Variants in DYNC2I1 observed in about 807,000 individuals in gnomAD.
The protein encoded by DYNC2I1 is cytoplasmic dynein 2 intermediate chain 1.
In DYNC2I1, 89 loss-of-function variants were observed where a neutral mutation model predicts 133.4. The observed-to-expected ratio is 0.67, with a 90% CI of 0.56 to 0.80. DYNC2I1 has a LOEUF of 0.80. Ranked by LOEUF, DYNC2I1 falls within the 30% of genes least tolerant of loss-of-function variation. DYNC2I1 has a pLI of 0.00. For synonymous variants in DYNC2I1, 504 were observed against 484.3 expected (o/e 1.04, Z -0.54); for missense variants, 1,291 against 1,314.5 (o/e 0.98, Z 0.28).
chr7:158,884,105 C>T (rs1329210650), intron 5 of DYNC2I1, among the ~76,000 whole-genome samples: 2 of 148,000 alleles, frequency 1.4e-5, no homozygotes, highest in South Asian at 2.1e-4. Flanking sequence ...AGTGCAGTGG[C>T]GCAATCTCTG....
At chr7:158,917,561 G>A (rs1456328545) in intron 14 of DYNC2I1, among the ~76,000 whole-genome samples, 2 of 97,646 alleles carry the variant, frequency 2.0e-5, no homozygotes, top group African/African-American at 8.9e-5. Flanking sequence ...TCCACCCTCC[G>A]CCTCTCGCTA....
intron 17 of DYNC2I1, among the ~76,000 whole-genome samples, chr7:158,924,379 C>T (rs1055089533): frequency 3.3e-5 from 5 of 152,318 alleles, no homozygotes; most frequent in Non-Finnish European, 5.9e-5. Context: ...GGGGTTGGGG[C>T]GCTGTGGACT....
intron 15 of DYNC2I1, among the ~76,000 whole-genome samples, chr7:158,921,793 G>T (rs148789871): frequency 6.6e-6 from 1 of 152,172 alleles, no homozygotes; most frequent in African/African-American, 2.4e-5. Context: ...TGAAGTTCTC[G>T]CCAGTCATGG....
At chr7:158,866,884 C>CAA (rs532567555) in intron 1 of DYNC2I1, among the ~76,000 whole-genome samples, 1,420 of 132,300 alleles carry the variant, frequency 0.011, 7 homozygotes, top group Non-Finnish European at 0.018. Flanking sequence ...GGCTCCGTCT[C>CAA]AAAAAAAAAA....
chr7:158,946,430 C>T (rs1186641054), downstream of DYNC2I1, among the ~76,000 whole-genome samples: 1 of 152,234 alleles, frequency 6.6e-6, no homozygotes, highest in Admixed American at 6.5e-5. Flanking sequence ...AAATCTGCAC[C>T]TCCTGTTTCC....
rs1850798103 is a variant in DYNC2I1 at position 158,936,766 on chromosome 7, GGAGACTTCCCTTT to G, written c.2778+2229_2778+2241del. Among the ~76,000 whole-genome samples the G allele has an allele frequency of 3.9e-5, 6 of 152,254 alleles. No homozygotes were observed. In the South Asian group the frequency reaches 1.0e-3, roughly 26 times the overall value. On this transcript the variant is annotated intron_variant, in intron 23 of 24. Coordinates refer to ENST00000407559, the MANE Select transcript of DYNC2I1 (RefSeq NM_018051.5). Reference sequence around the variant, plus strand: ...TGAACACAAACCCTGACACAGGCAGGGAGACTTCCCTTTGAGACTTCCCTCATTTGGGACAGGC... The same window carrying G: ...TGAACACAAACCCTGACACAGGCAGGGAGACTTCCCTCATTTGGGACAGGC...
intron 14 of DYNC2I1, among the ~76,000 whole-genome samples, chr7:158,916,443 G>A (rs200892888): frequency 1.5e-5 from 1 of 67,694 alleles, no homozygotes. Flanking sequence ...GTGAAACGTC[G>A]ACACGCTGGT....
At chr7:158,839,981 GA>G in the DYNC2I1 span, among the ~76,000 whole-genome samples, 111 of 148,752 alleles carry the variant, frequency 7.5e-4, 1 homozygote, top group African/African-American at 2.2e-3. Context: ...CCGGCTAATT[GA>G]AAAAAAAAAA....
intron 4 of DYNC2I1, among the ~76,000 whole-genome samples, chr7:158,953,988 A>G (rs999953605): frequency 3.3e-5 from 5 of 152,076 alleles, no homozygotes; most frequent in Non-Finnish European, 5.9e-5. Flanking sequence ...ATCTCCTGTA[A>G]TCCCCACGTG....
chr7:158,843,626 C>T, the DYNC2I1 span, among the ~76,000 whole-genome samples: 2 of 152,242 alleles, frequency 1.3e-5, no homozygotes, highest in African/African-American at 4.8e-5. Context: ...AAACTCCTGA[C>T]CTCAAGTGAT....
chr7:158,856,362 G>C (rs896499218), upstream of DYNC2I1, among the ~76,000 whole-genome samples: 6 of 152,242 alleles, frequency 3.9e-5, no homozygotes, highest in Non-Finnish European at 8.8e-5. Context: ...TGCACCCCAA[G>C]TCAGGGTACT....
At chr7:158,942,264 C>T (rs1258116196) in intron 24 of DYNC2I1, 116 bp downstream of exon 24, 2 of 720,204 alleles carry the variant, frequency 2.8e-6, no homozygotes, top group Non-Finnish European at 4.3e-6. Flanking sequence ...TAAGATGTGG[C>T]CATATGTAAA....
chr7:158,906,616 G>A (rs1027654862), intron 11 of DYNC2I1, among the ~76,000 whole-genome samples: 59 of 152,050 alleles, frequency 3.9e-4, no homozygotes, highest in African/African-American at 1.3e-3. Context: ...CCGCCACCAC[G>A]CCTGGCTAAT....
intron 23 of DYNC2I1, among the ~76,000 whole-genome samples, chr7:158,935,088 G>A (rs959720657): frequency 1.3e-5 from 2 of 152,222 alleles, no homozygotes; most frequent in Non-Finnish European, 2.9e-5. Flanking sequence ...AAAATGTGAA[G>A]AAATTCTTAG....
chr7:158,872,371 G>A (rs1240367893), intron 3 of DYNC2I1, among the ~76,000 whole-genome samples: 3 of 151,266 alleles, frequency 2.0e-5, no homozygotes, highest in Admixed American at 6.6e-5. Flanking sequence ...GGTGGCTCAC[G>A]CCTGTAATCC....
At chr7:158,843,448 C>T in the DYNC2I1 span, among the ~76,000 whole-genome samples, 12 of 152,176 alleles carry the variant, frequency 7.9e-5, no homozygotes, top group East Asian at 7.7e-4. Context: ...TTAGTAGAGA[C>T]GGGGTTTTGC....
At position 158,946,005 on chromosome 7, in the gene DYNC2I1, T is replaced by C. The variant is rs1457513384; in HGVS notation, c.*226T>C. 1 of 415,854 alleles carries C rather than the reference T, an allele frequency of 2.4e-6. No individual in the cohort carries two copies. The highest frequency in any genetic ancestry group is 2.1e-5 in the African/African-American group (1 of 48,568). The allele number at this position is 415,854 out of a possible 1,614,324, so 25.8% of individuals were successfully genotyped here. ...CATTTACAAAACTTCCAGGGGAATG[T>C]AGAGCCACGTCCAGGGTGCTCTTTT... is the stretch of plus-strand genomic sequence containing the variant. On this transcript the variant is annotated 3_prime_UTR_variant, in exon 25 of 25. Transcript: ENST00000407559.
chr7:158,902,410 A>G lies in DYNC2I1; in HGVS notation c.1172A>G (p.Asp391Gly). The change falls in exon 10 of 25, where the codon GAT becomes GGT. Residue 391 changes from aspartate (D) to glycine (G), a missense_variant. By Grantham distance (94) the Asp-to-Gly change is moderately conservative. Coordinates refer to ENST00000407559, the MANE Select transcript of DYNC2I1 (RefSeq NM_018051.5). ...GATGACTTTGAGGTTTGTGATGGTG[A>G]TGATGATGAAAGCAGTAATGAACCT... ...YEDDFEVCDG[D>G]DDESSNEPES... 3 of 1,613,584 alleles carry G rather than the reference A, an allele frequency of 1.9e-6. No homozygotes were observed. The highest frequency in any genetic ancestry group is 2.5e-6 in the Non-Finnish European group (3 of 1,179,818).
At chr7:158,947,212 G>A (rs572572113), downstream of DYNC2I1, among the ~76,000 whole-genome samples, 72 of 152,226 alleles carry the variant, frequency 4.7e-4, no homozygotes, top group Non-Finnish European at 8.4e-4. Context: ...ACAGGCACGC[G>A]GCCTCTCTCT....
Sources: gnomAD v4.1 joint callset for allele counts (sites outside exome capture counted in the v4.1 genomes callset) on GRCh38, gnomAD v4.1.1 for gene constraint, MANE v1.5 for transcripts, NCBI Gene and HGNC (gene_info 2026-07-23, HGNC 2026-07-21) for gene names.